The following DNAJC13 variants were observed in gnomAD, a reference collection of about 807,000 sequenced individuals.
DNAJC13 encodes the protein dnaJ homolog subfamily C member 13.
A neutral mutation model predicts 290.5 loss-of-function variants in DNAJC13; 75 were observed. That is an observed-to-expected ratio of 0.26 (90% CI 0.21 to 0.31). DNAJC13 has a LOEUF of 0.31. Among genes scored for constraint, DNAJC13 ranks in the 10% least tolerant of loss-of-function variants. The probability of loss-of-function intolerance (pLI) is 1.00; values close to 1 mark genes in which losing one functional copy is unlikely to be tolerated. For missense variants in DNAJC13, 2,260 were observed against 2,674.5 expected (o/e 0.85, Z 3.42); for synonymous variants, 862 against 892.0 (o/e 0.97, Z 0.60).
Position 132,494,129 on chromosome 3 carries a change from T to C in DNAJC13, c.3826-15T>C. On this transcript the variant is annotated splice_polypyrimidine_tract_variant and intron_variant, in intron 33 of 55. Coordinates refer to ENST00000260818, the MANE Select transcript of DNAJC13 (RefSeq NM_015268.4). The stretch of plus-strand genomic sequence containing the variant: ...AGTTTTACTTTGATATAAATTTTAA[T>C]CTTTTGTCTTTAAGGTTAAGCTTCT... 6.6e-7 allele frequency: 1 copy of C among 1,516,650 alleles called. No individual in the cohort carries two copies. The allele number at this position is 1,516,650 out of a possible 1,614,324, so 93.9% of individuals were successfully genotyped here. A position where few individuals can be genotyped will look rare whatever the true frequency, so the allele number is the denominator to read the frequency against.
Position 132,503,303 on chromosome 3 carries a change from T to C in DNAJC13, c.4806T>C (p.Asn1602=), listed in dbSNP as rs1482030355. Residue 1602 remains asparagine (N), a synonymous_variant, in exon 41 of 56, where the codon AAT becomes AAC. Transcript: ENST00000260818. ...YLAEEQATPE[N]PTIRKSLAGM... The stretch of plus-strand genomic sequence containing the variant: ...CTGAAGAACAAGCAACTCCAGAAAA[T>C]CCAACCATAAGGAAAAGCTTAGCTG... 1 of 1,613,832 alleles carries C rather than the reference T, an allele frequency of 6.2e-7. No individual in the cohort carries two copies. Among genetic ancestry groups the C allele is most frequent in the African/African-American group, 1.3e-5 (1 of 74,878 alleles).
In DNAJC13 at chr3:132,538,525, G is replaced by T; in HGVS notation, c.*243G>T. On this transcript the variant is annotated 3_prime_UTR_variant, in exon 56 of 56. Transcript: ENST00000260818. Reference sequence around the variant, plus strand: ...ATTTTTTTTTTCTTGGTGTATGTAAGCACATTTGTTCCTTTATATCTGTTT... The same window carrying T: ...ATTTTTTTTTTCTTGGTGTATGTAATCACATTTGTTCCTTTATATCTGTTT... 1 of 352,614 alleles carries T rather than the reference G, an allele frequency of 2.8e-6. No homozygotes were observed. 21.8% of individuals were successfully genotyped at this position (352,614 alleles called of 1,614,324 possible).
In DNAJC13 at chr3:132,525,801, T is replaced by C; in HGVS notation, c.6240+12T>C. ...TGTCTGAAAATGAGGTATTGATGAA[T>C]ACACTTAGTAGTTTATAAGCTCCAG... On this transcript the variant is annotated intron_variant, in intron 52 of 55. Coordinates refer to ENST00000260818, the MANE Select transcript of DNAJC13 (RefSeq NM_015268.4). The C allele has an allele frequency of 6.2e-7, 1 of 1,612,630 alleles. No individual in the cohort carries two copies. Among genetic ancestry groups the C allele is most frequent in the South Asian group, 1.1e-5 (1 of 90,852 alleles).
intron 1 of DNAJC13, among the ~76,000 whole-genome samples, chr3:132,425,965 A>G (rs1939079261): frequency 6.6e-6 from 1 of 152,128 alleles, no homozygotes; most frequent in Admixed American, 6.5e-5. Flanking sequence ...GCTTCTTCTC[A>G]CTGGACTCCC....
At chr3:132,448,376 G>A (rs939804499) in intron 5 of DNAJC13, among the ~76,000 whole-genome samples, 1 of 152,096 alleles carries the variant, frequency 6.6e-6, no homozygotes, top group African/African-American at 2.4e-5. Context: ...TCTTGGACTG[G>A]ATCTGGCCTG....
intron 21 of DNAJC13, among the ~76,000 whole-genome samples, chr3:132,473,674 C>G (rs1453309491): frequency 6.6e-6 from 1 of 152,012 alleles, no homozygotes; most frequent in East Asian, 1.9e-4. Context: ...ACCCTGCACC[C>G]CCTTCCTGGA....
intron 21 of DNAJC13, among the ~76,000 whole-genome samples, chr3:132,473,693 TACAC>T (rs905876989): frequency 6.6e-6 from 1 of 151,790 alleles, no homozygotes. Flanking sequence ...GACACACACA[TACAC>T]ACACACAGGA....
intron 53 of DNAJC13, among the ~76,000 whole-genome samples, chr3:132,527,687 C>G (rs536674148): frequency 6.6e-6 from 1 of 152,298 alleles, no homozygotes; most frequent in South Asian, 2.1e-4. Flanking sequence ...CCTATTCCCT[C>G]TGAGTTTCAA....
At position 132,489,038 on chromosome 3, in the gene DNAJC13, C is replaced by G; in HGVS notation, c.3468+17C>G. On this transcript the variant is annotated intron_variant, in intron 31 of 55. Coordinates refer to ENST00000260818, the MANE Select transcript of DNAJC13 (RefSeq NM_015268.4). The stretch of plus-strand genomic sequence containing the variant: ...TCAGAAGAGGTAAGCCAGGTTAATC[C>G]TCTGAATACTTAACCCTGGGTAAGC... 1 of 1,604,402 alleles carries G rather than the reference C, an allele frequency of 6.2e-7. No individual in the cohort carries two copies. Among genetic ancestry groups the G allele is most frequent in the Non-Finnish European group, 8.5e-7 (1 of 1,172,000 alleles).
At chr3:132,434,431 C>G in intron 1 of DNAJC13, 107 bp from the exon 2 acceptor site, 1 of 691,136 alleles carries the variant, frequency 1.4e-6, no homozygotes, top group South Asian at 2.0e-5. Flanking sequence ...GGATATACGG[C>G]AGGCTGTGAA....
chr3:132,523,773 T>C, intron 51 of DNAJC13, 60 bp downstream of exon 51: 1 of 1,514,196 alleles, frequency 6.6e-7, no homozygotes, highest in Non-Finnish European at 9.0e-7. Flanking sequence ...TGATGGTGTT[T>C]CTCTTACAAC....
At chr3:132,462,361 C>A in intron 15 of DNAJC13, 106 bp from the exon 16 acceptor site, 1 of 1,093,462 alleles carries the variant, frequency 9.1e-7, no homozygotes, top group Non-Finnish European at 1.3e-6. Context: ...AATTTTGTGG[C>A]TTATACCTTG....
rs552927945 is a variant in DNAJC13, at chr3:132,508,734, G to C, written c.5115+1381G>C. Among the ~76,000 whole-genome samples the C allele has an allele frequency of 2.0e-5, 3 of 152,294 alleles. No homozygotes were observed. The East Asian group carries it at 5.8e-4, about 29-fold the overall frequency. ...CTTCAGTATTCCAGGTAACAAGCCT[G>C]TACATGTACCCCCGAATCTAAAACA... On this transcript the variant is annotated intron_variant, in intron 43 of 55. Transcript: ENST00000260818.
At chr3:132,467,109 CAT>C in intron 19 of DNAJC13, 59 bp from the exon 20 acceptor site, 2 of 1,543,430 alleles carry the variant, frequency 1.3e-6, no homozygotes, top group East Asian at 2.3e-5. Flanking sequence ...CTCAGCTTTA[CAT>C]AGAGTTTTAA....
chr3:132,438,064 A>G (rs1559868843), intron 2 of DNAJC13, among the ~76,000 whole-genome samples: 1 of 152,020 alleles, frequency 6.6e-6, no homozygotes, highest in Non-Finnish European at 1.5e-5. Context: ...AAAAAAAAAA[A>G]AAAAGGCAGC....
intron 36 of DNAJC13, among the ~76,000 whole-genome samples, chr3:132,498,701 TAC>T (rs1935312491): frequency 2.6e-5 from 4 of 152,022 alleles, no homozygotes; most frequent in Admixed American, 2.6e-4. Flanking sequence ...TCTTTTTTTT[TAC>T]GTTTTATTTT....
Position 132,417,533 on chromosome 3 carries a change from T to G in DNAJC13, c.-241T>G, listed in dbSNP as rs540439565. 1 of 150,096 alleles carries G rather than the reference T, an allele frequency of 6.7e-6. No homozygotes were observed. The highest frequency in any genetic ancestry group is 2.1e-4 in the South Asian group (1 of 4,708). The allele number at this position is 150,096 out of a possible 1,614,324, so 9.3% of individuals were successfully genotyped here. ...CGCTCGCTCAAAGCCTGAGCGAAGA[T>G]GGCGGCCTCCAGAGTGAAACTCTGA... On this transcript the variant is annotated 5_prime_UTR_variant, in exon 1 of 56. It removes an upstream start codon present in the reference 5' UTR. Transcript: ENST00000260818.
intron 43 of DNAJC13, among the ~76,000 whole-genome samples, chr3:132,510,538 AGAG>A (rs1197961827): frequency 1.3e-5 from 2 of 152,122 alleles, no homozygotes; most frequent in Non-Finnish European, 2.9e-5. Context: ...GAGGTGGCAA[AGAG>A]GATTTGGTGG....
chr3:132,516,655 T>G, intron 47 of DNAJC13, 49 bp from the exon 48 acceptor site: 1 of 1,560,280 alleles, frequency 6.4e-7, no homozygotes, highest in Non-Finnish European at 8.7e-7. Flanking sequence ...GAATTCTGAT[T>G]AGAAAAGTCA....
Sources: allele counts gnomAD v4.1 joint callset (sites outside exome capture counted in the v4.1 genomes callset), GRCh38; gene constraint gnomAD v4.1.1; transcripts MANE v1.5; gene names NCBI Gene and HGNC (gene_info 2026-07-23, HGNC 2026-07-21).